The following DTNB variants were observed in gnomAD, a reference collection of about 807,000 sequenced individuals.
The protein encoded by DTNB is dystrobrevin beta.
Under a neutral mutation model 90.7 loss-of-function variants are expected in DTNB, and 63 were observed. The observed-to-expected ratio is 0.69, with a 90% confidence interval of 0.57 to 0.86. The LOEUF is 0.86. DTNB is among the 40% of genes least tolerant of loss of function. DTNB has a pLI of 0.00. For synonymous variants in DTNB, 277 were observed against 286.7 expected (o/e 0.97, Z 0.34); for missense variants, 744 against 807.1 (o/e 0.92, Z 0.95).
chr2:25,414,456 G>A (rs1413383816), intron 16 of DTNB, among the ~76,000 whole-genome samples: 2 of 152,064 alleles, frequency 1.3e-5, no homozygotes, highest in East Asian at 1.9e-4. Context: ...GGGTTTCACC[G>A]TGTTAGCCAG....
At chr2:25,501,906 C>T (rs1184158655) in intron 9 of DTNB, among the ~76,000 whole-genome samples, 1 of 152,030 alleles carries the variant, frequency 6.6e-6, no homozygotes, top group Non-Finnish European at 1.5e-5. Flanking sequence ...AAAATCCTGG[C>T]CAAATGCAGA....
At chr2:25,576,573 G>A in intron 8 of DTNB, 1 of 307,864 alleles carries the variant, frequency 3.2e-6, no homozygotes. Flanking sequence ...GCTTTGAAAA[G>A]AGAGCACTGC....
At chr2:25,378,587 G>A (rs1407440106) in intron 20 of DTNB, among the ~76,000 whole-genome samples, 1 of 151,958 alleles carries the variant, frequency 6.6e-6, no homozygotes, top group Admixed American at 6.5e-5. Context: ...GGGGGTGGGA[G>A]GAGGGGAGGG....
intron 16 of DTNB, chr2:25,388,576 A>G: frequency 1.8e-6 from 1 of 570,744 alleles, no homozygotes; most frequent in East Asian, 3.3e-5. Flanking sequence ...GAGAGAGAGA[A>G]CATCCTAAGA....
intron 8 of DTNB, among the ~76,000 whole-genome samples, chr2:25,553,251 C>T (rs894693329): frequency 6.6e-6 from 1 of 152,030 alleles, no homozygotes; most frequent in Non-Finnish European, 1.5e-5. Flanking sequence ...AGGCATGTGA[C>T]ACATCACTCA....
intron 8 of DTNB, among the ~76,000 whole-genome samples, chr2:25,536,105 G>A (rs111628494): frequency 0.29 from 42,429 of 148,438 alleles, 6,672 homozygotes; most frequent in East Asian, 0.5. Flanking sequence ...CTTCCCAGAC[G>A]GGGCGGCCGG....
At chr2:25,584,284 T>C (rs1357482010) in intron 6 of DTNB, among the ~76,000 whole-genome samples, 1 of 152,208 alleles carries the variant, frequency 6.6e-6, no homozygotes, top group African/African-American at 2.4e-5. Flanking sequence ...AGACTCTCCC[T>C]TTCCCAACTA....
chr2:25,400,367 G>C (rs1176554701), intron 16 of DTNB, among the ~76,000 whole-genome samples: 2 of 152,236 alleles, frequency 1.3e-5, no homozygotes, highest in Non-Finnish European at 2.9e-5. Flanking sequence ...GCACAGATGG[G>C]CTTTATGTTC....
At position 25,386,021 on chromosome 2, in the gene DTNB, A is replaced by G. The variant is rs796520192; in HGVS notation, c.1825+1268T>C. The G allele has an allele frequency of 4.1e-6, 4 of 985,370 alleles. No homozygotes were observed. In the African/African-American group the frequency reaches 7.0e-5, roughly 17 times the overall value. The allele number at this position is 985,370 out of a possible 1,614,324, so 61.0% of individuals were successfully genotyped here. On this transcript the variant is annotated intron_variant, in intron 18 of 20. Transcript: ENST00000406818. The stretch of plus-strand genomic sequence containing the variant: ...AGCTGCATTAGGGAAAGCGCCTTCT[A>G]ATCACCTGTGAGGTCATCCTGAAGG...
intron 10 of DTNB, among the ~76,000 whole-genome samples, chr2:25,482,404 C>A (rs918976244): frequency 6.6e-6 from 1 of 152,054 alleles, no homozygotes; most frequent in African/African-American, 2.4e-5. Flanking sequence ...TTTACACAGT[C>A]TAATCAAAGA....
chr2:25,413,900 T>C (rs1405577021), intron 16 of DTNB, among the ~76,000 whole-genome samples: 4 of 152,236 alleles, frequency 2.6e-5, no homozygotes, highest in African/African-American at 9.6e-5. Flanking sequence ...CCACCAACAG[T>C]GTAAAAGTGT....
chr2:25,434,218 C>T (rs1338916605), intron 12 of DTNB, among the ~76,000 whole-genome samples: 7 of 152,028 alleles, frequency 4.6e-5, no homozygotes, highest in Non-Finnish European at 1.0e-4. Context: ...GCAAAAAATT[C>T]CCTCATGCCA....
chr2:25,413,336 T>C (rs2047059390), intron 16 of DTNB, among the ~76,000 whole-genome samples: 1 of 152,062 alleles, frequency 6.6e-6, no homozygotes, highest in Non-Finnish European at 1.5e-5. Context: ...TACATATGTA[T>C]ACATCTGCCA....
chr2:25,494,923 GA>G (rs1412407137), intron 9 of DTNB, among the ~76,000 whole-genome samples: 1 of 151,928 alleles, frequency 6.6e-6, no homozygotes, highest in African/African-American at 2.4e-5. Context: ...AAAAAAAAGG[GA>G]GGCTGCAGAA....
At chr2:25,436,212 G>A (rs898163091) in intron 12 of DTNB, among the ~76,000 whole-genome samples, 23 of 152,112 alleles carry the variant, frequency 1.5e-4, no homozygotes, top group African/African-American at 5.3e-4. Flanking sequence ...GTGGGCGCCT[G>A]TAATCTCAGC....
chr2:25,594,250 G>A (rs1036382814), intron 6 of DTNB, among the ~76,000 whole-genome samples: 1 of 152,168 alleles, frequency 6.6e-6, no homozygotes, highest in Non-Finnish European at 1.5e-5. Context: ...TCATTAGAAC[G>A]AAGCATGGAG....
chr2:25,585,041 T>G (rs573957153), intron 6 of DTNB, among the ~76,000 whole-genome samples: 2 of 152,336 alleles, frequency 1.3e-5, no homozygotes, highest in African/African-American at 4.8e-5. Context: ...GAAAGGCAGG[T>G]TGGCTCTTTT....
In DTNB at chr2:25,387,505, C is replaced by T; in HGVS notation, c.1736-127G>A. 3.8e-6 allele frequency: 3 copies of T among 784,746 alleles called. No individual in the cohort carries two copies. The Admixed American group carries it at 7.4e-5, about 19-fold the overall frequency. The allele number at this position is 784,746 out of a possible 1,614,324, so 48.6% of individuals were successfully genotyped here. On this transcript the variant is annotated intron_variant, in intron 17 of 20. Coordinates refer to ENST00000406818, the MANE Select transcript of DTNB (RefSeq NM_021907.5). The surrounding 1 kb of genome is among the most constrained non-coding windows in gnomAD (Gnocchi z 4.5). ...TGGAACACCTAAGGGGAGATGGGGC[C>T]ACAGCAGCTCCACCCATTCCCAGGC... is the stretch of plus-strand genomic sequence containing the variant.
At chr2:25,505,727 C>T (rs895687007) in intron 9 of DTNB, among the ~76,000 whole-genome samples, 6 of 152,006 alleles carry the variant, frequency 3.9e-5, no homozygotes, top group African/African-American at 1.5e-4. Context: ...AATTTAAAAG[C>T]ACAAAAATTT....
Sources: gnomAD v4.1 joint callset for allele counts (sites outside exome capture counted in the v4.1 genomes callset) on GRCh38, gnomAD v4.1.1 for gene constraint, Gnocchi (gnomAD v3.1) non-coding constraint, MANE v1.5 for transcripts, NCBI Gene and HGNC (gene_info 2026-07-23, HGNC 2026-07-21) for gene names.